The following RGS7 variants were observed in gnomAD, a reference collection of about 807,000 sequenced individuals.
The protein encoded by RGS7 is regulator of G-protein signaling 7.
RGS7 carries 27 observed loss-of-function variants against 81.1 expected under a neutral mutation model. The ratio of observed to expected loss-of-function variants is 0.33; its 90% CI spans 0.25 to 0.46. The LOEUF is 0.46. Ranked by LOEUF, RGS7 falls within the 20% of genes least tolerant of loss-of-function variation. The probability of loss-of-function intolerance (pLI) is 1.00; values close to 1 mark genes in which losing one functional copy is unlikely to be tolerated. For missense variants in RGS7, 396 were observed against 607.4 expected (o/e 0.65, Z 3.66); for synonymous variants, 208 against 207.7 (o/e 1.00, Z -0.01).
chr1:240,788,362 C>A (rs1218084367), intron 18 of RGS7, among the ~76,000 whole-genome samples: 1 of 152,102 alleles, frequency 6.6e-6, no homozygotes, highest in East Asian at 1.9e-4. Flanking sequence ...AATGTGAGGA[C>A]CTAATTGGAC....
chr1:240,961,219 A>G (rs1558528135), intron 4 of RGS7, among the ~76,000 whole-genome samples: 2 of 152,174 alleles, frequency 1.3e-5, no homozygotes, highest in Non-Finnish European at 2.9e-5. Context: ...TTAAAATATC[A>G]CCATTTCCTT....
At chr1:241,198,401 A>C (rs189061719) in intron 2 of RGS7, among the ~76,000 whole-genome samples, 1 of 152,174 alleles carries the variant, frequency 6.6e-6, no homozygotes, top group East Asian at 1.9e-4. Flanking sequence ...ACTAAGAAAA[A>C]AGGTGGTTCT....
intron 2 of RGS7, among the ~76,000 whole-genome samples, chr1:241,270,582 C>A (rs1001090663): frequency 2.0e-5 from 3 of 152,114 alleles, no homozygotes; most frequent in African/African-American, 7.2e-5. Flanking sequence ...GGAAATTGTA[C>A]TTGTAATTCA....
At chr1:240,822,148 A>G (rs920244616) in intron 10 of RGS7, among the ~76,000 whole-genome samples, 13 of 152,302 alleles carry the variant, frequency 8.5e-5, no homozygotes, top group African/African-American at 3.1e-4. Flanking sequence ...GCCTCATCCA[A>G]TCAGTTGAAG....
At chr1:241,076,166 G>A (rs536906744) in intron 3 of RGS7, among the ~76,000 whole-genome samples, 3 of 152,154 alleles carry the variant, frequency 2.0e-5, no homozygotes, top group South Asian at 2.1e-4. Context: ...TGTATGCAAC[G>A]TGGCTTATTC....
chr1:241,350,424 G>A (rs1280156333), intron 2 of RGS7, among the ~76,000 whole-genome samples: 2 of 152,148 alleles, frequency 1.3e-5, no homozygotes, highest in East Asian at 3.8e-4. Context: ...CCTTCTCTCA[G>A]TGCCTGCCTC....
chr1:240,831,681 G>A (rs989422268), intron 9 of RGS7, among the ~76,000 whole-genome samples: 1 of 149,432 alleles, frequency 6.7e-6, no homozygotes, highest in Admixed American at 6.7e-5. Flanking sequence ...TGTTGCCCAG[G>A]CTGGAGTGCA....
chr1:240,869,106 C>A (rs1471846063), intron 7 of RGS7, among the ~76,000 whole-genome samples: 1 of 151,976 alleles, frequency 6.6e-6, no homozygotes, highest in East Asian at 1.9e-4. Context: ...GACTACAAAC[C>A]CAATATGTAT....
At chr1:240,871,642 T>A (rs7550562) in intron 6 of RGS7, among the ~76,000 whole-genome samples, 18,241 of 152,206 alleles carry the variant, frequency 0.12, 1,286 homozygotes, top group African/African-American at 0.2. Context: ...ATTTCCTAAT[T>A]CATCATAACT....
intron 2 of RGS7, among the ~76,000 whole-genome samples, chr1:241,245,297 C>G (rs1013972823): frequency 2.0e-5 from 3 of 151,900 alleles, no homozygotes; most frequent in Non-Finnish European, 4.4e-5. Context: ...TGTCTTATGA[C>G]AGAGTTCTCA....
intron 3 of RGS7, among the ~76,000 whole-genome samples, chr1:241,096,261 A>ATT (rs780480562): frequency 9.5e-4 from 144 of 152,182 alleles, no homozygotes; most frequent in Non-Finnish European, 1.7e-3. Flanking sequence ...GCCACAAAAG[A>ATT]ATAGAGGAAT....
chr1:240,907,016 A>G (rs571208499), intron 6 of RGS7, among the ~76,000 whole-genome samples: 9 of 152,326 alleles, frequency 5.9e-5, no homozygotes, highest in Middle Eastern at 3.4e-3. Flanking sequence ...AGTGTATTCT[A>G]AACTTGGCCA....
intron 3 of RGS7, among the ~76,000 whole-genome samples, chr1:241,085,834 C>T (rs1029036077): frequency 1.3e-5 from 2 of 152,166 alleles, no homozygotes; most frequent in African/African-American, 4.8e-5. Flanking sequence ...TTTGTTAAGA[C>T]TCAAATAAAA....
intron 10 of RGS7, chr1:240,823,152 G>T: frequency 1.7e-6 from 2 of 1,158,150 alleles, no homozygotes; most frequent in Non-Finnish European, 1.3e-6. Context: ...CCACATTGGG[G>T]ATTTCCCCAT....
intron 3 of RGS7, among the ~76,000 whole-genome samples, chr1:241,006,374 A>G (rs2058689291): frequency 1.3e-5 from 2 of 152,176 alleles, no homozygotes; most frequent in South Asian, 2.1e-4. Flanking sequence ...CTTATTTTCT[A>G]CCATCTCCTC....
chr1:241,331,602 A>T (rs1480234581), intron 2 of RGS7, among the ~76,000 whole-genome samples: 1 of 152,168 alleles, frequency 6.6e-6, no homozygotes, highest in Non-Finnish European at 1.5e-5. Context: ...GAGATTTAGC[A>T]ATTGTGTTTG....
intron 12 of RGS7, 32 bp downstream of exon 12, chr1:240,814,684 T>C (rs532383134): frequency 7.2e-7 from 1 of 1,398,324 alleles, no homozygotes; most frequent in Non-Finnish European, 1.0e-6. Context: ...TATGAAATTT[T>C]AAAATTTATA....
intron 2 of RGS7, among the ~76,000 whole-genome samples, chr1:241,273,022 T>TGTCC (rs1234524825): frequency 1.3e-5 from 2 of 152,154 alleles, no homozygotes; most frequent in Admixed American, 6.6e-5. Flanking sequence ...GTGTGTAATC[T>TGTCC]GTCCAATAAT....
intron 6 of RGS7, among the ~76,000 whole-genome samples, chr1:240,924,342 T>C (rs1477012644): frequency 6.6e-6 from 1 of 152,192 alleles, no homozygotes; most frequent in African/African-American, 2.4e-5. Context: ...TTGGGAGCAC[T>C]AGCTACAGTC....
Sources: gnomAD v4.1 joint callset for allele counts (sites outside exome capture counted in the v4.1 genomes callset) on GRCh38, gnomAD v4.1.1 for gene constraint, MANE v1.5 for transcripts, NCBI Gene and HGNC (gene_info 2026-07-23, HGNC 2026-07-21) for gene names.